Variants in LRRC2 observed in about 807,000 individuals in gnomAD.
The protein encoded by LRRC2 is leucine rich repeat containing 2, also known as leucine-rich repeat-containing protein 2.
A neutral mutation model predicts 40.2 loss-of-function variants in LRRC2; 27 were observed. The ratio of observed to expected loss-of-function variants is 0.67; its 90% CI spans 0.49 to 0.93. The LOEUF (loss-of-function observed/expected upper bound fraction) is 0.93, where lower values mean the gene tolerates loss of function less well. Among genes scored for constraint, LRRC2 ranks in the 40% least tolerant of loss-of-function variants. LRRC2 has a pLI of 0.00. For missense variants in LRRC2, 402 were observed against 439.6 expected, an observed-to-expected ratio of 0.91 and a Z score of 0.76; for synonymous variants, 147 against 158.9, an observed-to-expected ratio of 0.92 and a Z score of 0.56.
intron 8 of LRRC2, 44 bp downstream of exon 8, chr3:46,521,478 G>A (rs761836190): frequency 2.3e-5 from 33 of 1,425,164 alleles, no homozygotes; most frequent in Middle Eastern, 2.0e-4. Context: ...ATAAGTGGAC[G>A]TCTGTACACT....
intron 1 of LRRC2, among the ~76,000 whole-genome samples, chr3:46,555,698 A>G (rs1057205950): frequency 6.6e-6 from 1 of 152,156 alleles, no homozygotes. Context: ...ATGTCAATCA[A>G]TGTTATATTT....
At chr3:46,531,130 C>A (rs894902994) in intron 5 of LRRC2, among the ~76,000 whole-genome samples, 1 of 148,520 alleles carries the variant, frequency 6.7e-6, no homozygotes, top group Non-Finnish European at 1.5e-5. Context: ...GACAAAGAGA[C>A]AATTCAACAA....
rs1048172230 is a variant in LRRC2 at position 46,518,140 on chromosome 3, G to C, written c.*874C>G. On this transcript the variant is annotated 3_prime_UTR_variant, in exon 9 of 9. Transcript: ENST00000395905. ...GCATCTCATGCCCAAAGCATGGGCA[G>C]ATATTCCAGCCTTTGTTTCTTCAAG... is the stretch of plus-strand genomic sequence containing the variant. 1.3e-5 allele frequency: 2 copies of C among 152,220 alleles called. No homozygotes were observed. The highest frequency in any genetic ancestry group is 4.8e-5 in the African/African-American group (2 of 41,434). The allele number at this position is 152,220 out of a possible 1,614,324, so 9.4% of individuals were successfully genotyped here. A position where few individuals can be genotyped will look rare whatever the true frequency, so the allele number is the denominator to read the frequency against.
intron 1 of LRRC2, among the ~76,000 whole-genome samples, chr3:46,555,084 T>G (rs55957516): frequency 0.048 from 7,380 of 152,284 alleles, 273 homozygotes; most frequent in South Asian, 0.15. Context: ...TTTAATTGGG[T>G]TAATTGGTCT....
At position 46,551,578 on chromosome 3, in the gene LRRC2, A is replaced by G. The variant is rs201529548; in HGVS notation, c.14T>C (p.Val5Ala). 673 of 1,612,984 alleles carry G rather than the reference A, an allele frequency of 4.2e-4. No homozygotes were observed. Among genetic ancestry groups the G allele is most frequent in the Middle Eastern group, 9.9e-4 (6 of 6,074 alleles). The change falls in exon 2 of 9, where the codon GTG (valine) becomes GCG (alanine). Residue 5 changes from valine to alanine, a missense_variant. Coordinates refer to ENST00000395905, the MANE Select transcript of LRRC2 (RefSeq NM_024512.5). ...GATGACAGAAATGTCGAAGACAACCACTTTATGTCCCATTTTGGGAGCATG... is the reference window on the plus strand; with the variant it reads ...GATGACAGAAATGTCGAAGACAACCGCTTTATGTCCCATTTTGGGAGCATG... MGHK[V>A]VVFDISVIRA... is the part of the protein sequence containing the mutation.
intron 1 of LRRC2, 80 bp from the exon 2 acceptor site, chr3:46,551,690 G>C: frequency 1.0e-6 from 1 of 982,772 alleles, no homozygotes; most frequent in African/African-American, 1.7e-5. Context: ...AATGAAATAT[G>C]AATGAATCAC....
intron 7 of LRRC2, among the ~76,000 whole-genome samples, chr3:46,524,646 CT>C (rs1286081176): frequency 6.6e-6 from 1 of 152,058 alleles, no homozygotes; most frequent in Non-Finnish European, 1.5e-5. Context: ...TAAATTTTTT[CT>C]TTCATTTTAA....
At chr3:46,553,182 C>A (rs116387523) in intron 1 of LRRC2, among the ~76,000 whole-genome samples, 56 of 149,508 alleles carry the variant, frequency 3.7e-4, no homozygotes, top group African/African-American at 4.2e-4. Flanking sequence ...TTGATCATTG[C>A]AAAAAAAAAA....
intron 1 of LRRC2, among the ~76,000 whole-genome samples, chr3:46,563,766 C>T (rs1704998334): frequency 6.6e-6 from 1 of 152,216 alleles, no homozygotes; most frequent in Non-Finnish European, 1.5e-5. Context: ...CTTGGGTTCA[C>T]ACACCGGCCC....
intron 4 of LRRC2, 101 bp from the exon 5 acceptor site, chr3:46,533,010 G>T: frequency 8.4e-7 from 1 of 1,191,984 alleles, no homozygotes. Flanking sequence ...AATAATGATG[G>T]GGAAGGAACT....
At chr3:46,535,444 T>G (rs980240166) in intron 4 of LRRC2, among the ~76,000 whole-genome samples, 2 of 152,202 alleles carry the variant, frequency 1.3e-5, no homozygotes, top group African/African-American at 4.8e-5. Context: ...AAATCTGGTA[T>G]AGAGAGTATT....
intron 1 of LRRC2, among the ~76,000 whole-genome samples, chr3:46,555,346 A>C (rs1482266438): frequency 6.6e-6 from 1 of 152,100 alleles, no homozygotes; most frequent in Non-Finnish European, 1.5e-5. Context: ...TGCCATTTAT[A>C]TTTAATACAC....
At chr3:46,538,091 CA>C (rs1340301955) in intron 4 of LRRC2, among the ~76,000 whole-genome samples, 2 of 152,154 alleles carry the variant, frequency 1.3e-5, no homozygotes, top group Non-Finnish European at 2.9e-5. Context: ...ACACAGCCAG[CA>C]AGACATGTAT....
chr3:46,521,621 G>T lies in LRRC2; in HGVS notation c.967C>A (p.Gln323Lys), dbSNP rs1703965862. The part of the protein sequence containing the change: ...SLMDNPIDNA[Q>K]CEDGNEIMES... The stretch of plus-strand genomic sequence containing the variant: ...ATTATTTCATTGCCATCTTCACATT[G>T]GGCATTATCAATAGGATTGTCCATA... The change falls in exon 8 of 9, where the codon CAA becomes AAA. Residue 323 changes from glutamine to lysine, a missense_variant. Transcript: ENST00000395905. 1 of 1,612,432 alleles carries T rather than the reference G, an allele frequency of 6.2e-7. No individual in the cohort carries two copies.
At position 46,547,767 on chromosome 3, in the gene LRRC2, AGAAAGTGCT is replaced by A. The variant is rs376144790; in HGVS notation, c.126-2523_126-2515del. On this transcript the variant is annotated intron_variant, in intron 2 of 8. Coordinates refer to ENST00000395905, the MANE Select transcript of LRRC2 (RefSeq NM_024512.5). ...GAAGGGATATGAATTTAAAAGCAGA[AGAAAGTGCT>A]GAAAGAGAAGTGGGCTCCTCTGGGA... Among the ~76,000 whole-genome samples, 88 of 152,202 alleles carry A rather than the reference AGAAAGTGCT, an allele frequency of 5.8e-4. 1 individual carries two copies. The highest frequency in any genetic ancestry group is 1.3e-3 in the African/African-American group (54 of 41,544).
rs577040646 is a variant in LRRC2, at chr3:46,565,965, G to A, written c.-20+212C>T. Among the ~76,000 whole-genome samples, 3 of 152,306 alleles carry A rather than the reference G, an allele frequency of 2.0e-5. 1 individual carries two copies. In the South Asian group the frequency reaches 6.2e-4, roughly 32 times the overall value. On this transcript the variant is annotated intron_variant, in intron 1 of 8. Transcript: ENST00000395905. ...TTCTCGCCTTCCCACCATAGTCCTG[G>A]ACCTCAGATAACGGTGGATGCCTAA...
chr3:46,520,815 A>T (rs1001364751), intron 8 of LRRC2, among the ~76,000 whole-genome samples: 2 of 152,324 alleles, frequency 1.3e-5, no homozygotes, highest in South Asian at 4.1e-4. Context: ...ACTCTCAGGC[A>T]TCCACACCCA....
chr3:46,543,418 C>T (rs1704440612), intron 3 of LRRC2, among the ~76,000 whole-genome samples: 1 of 152,056 alleles, frequency 6.6e-6, no homozygotes, highest in Admixed American at 6.5e-5. Flanking sequence ...AGATCGAGAC[C>T]ATCCTGGTTA....
intron 7 of LRRC2, among the ~76,000 whole-genome samples, chr3:46,526,823 G>A (rs2106985326): frequency 6.6e-6 from 1 of 152,328 alleles, no homozygotes; most frequent in East Asian, 1.9e-4. Flanking sequence ...AATGTGGGGA[G>A]GGCCCAAACC....
Sources: gnomAD v4.1 joint callset for allele counts (sites outside exome capture counted in the v4.1 genomes callset) on GRCh38, gnomAD v4.1.1 for gene constraint, MANE v1.5 for transcripts, NCBI Gene and HGNC (gene_info 2026-07-23, HGNC 2026-07-21) for gene names.